SGSM1: variants seen among roughly 807,000 people sequenced by gnomAD.
SGSM1 encodes the protein small G protein signaling modulator 1.
Under a neutral mutation model 133.8 loss-of-function variants are expected in SGSM1, and 73 were observed. The observed-to-expected ratio is 0.55, with a 90% CI of 0.45 to 0.66. SGSM1 has a LOEUF of 0.66. Ranked by LOEUF, SGSM1 falls within the 30% of genes least tolerant of loss-of-function variation. The probability of loss-of-function intolerance (pLI) is 0.00; values close to 1 mark genes in which losing one functional copy is unlikely to be tolerated. For synonymous variants in SGSM1, 563 were observed against 573.0 expected (o/e 0.98, Z 0.25); for missense variants, 1,213 against 1,448.1 (o/e 0.84, Z 2.64).
chr22:24,876,780 A>G (rs1932049471), intron 13 of SGSM1, 65 bp downstream of exon 13: 2 of 1,601,384 alleles, frequency 1.2e-6, no homozygotes, highest in African/African-American at 1.3e-5. Flanking sequence ...GTAGATGCCC[A>G]TGTCTTACCC....
intron 2 of SGSM1, among the ~76,000 whole-genome samples, chr22:24,822,236 G>A (rs558267503): frequency 6.6e-6 from 1 of 151,912 alleles, no homozygotes; most frequent in African/African-American, 2.4e-5. Context: ...GACCACAGGT[G>A]CCCGCCACCA....
chr22:24,831,727 G>A (rs2330930), intron 2 of SGSM1, among the ~76,000 whole-genome samples: 34,364 of 152,114 alleles, frequency 0.23, 3,977 homozygotes, highest in African/African-American at 0.25. Flanking sequence ...GGCCCCCAGC[G>A]GAGACACCTG....
Position 24,873,206 on chromosome 22 carries a change from A to G in SGSM1, c.1292-3371A>G, listed in dbSNP as rs114672797. ...TGGAACTCCTGGGCTCAAGCAATTC[A>G]TCCGCCTCAGGCTCCCAAAGTCCTG... On this transcript the variant is annotated intron_variant, in intron 12 of 24. Coordinates refer to ENST00000400358, the MANE Select transcript of SGSM1 (RefSeq NM_001098497.3). Among the ~76,000 whole-genome samples, 469 of 152,066 alleles carry G rather than the reference A, an allele frequency of 3.1e-3. 4 individuals are homozygous for G. Among genetic ancestry groups the G allele is most frequent in the African/African-American group, 0.011 (457 of 41,464 alleles).
chr22:24,837,565 C>T (rs1243075596), intron 2 of SGSM1, among the ~76,000 whole-genome samples: 13 of 129,552 alleles, frequency 1.0e-4, no homozygotes, highest in African/African-American at 3.3e-4. Context: ...TAAACTCCCC[C>T]GGGGAAAGGG....
At chr22:24,872,663 A>G (rs564326041) in intron 12 of SGSM1, among the ~76,000 whole-genome samples, 1 of 152,338 alleles carries the variant, frequency 6.6e-6, no homozygotes, top group African/African-American at 2.4e-5. Context: ...CCACGCCTGT[A>G]ATCCCAGCAC....
chr22:24,830,187 G>T (rs951238112), intron 2 of SGSM1, among the ~76,000 whole-genome samples: 1 of 152,206 alleles, frequency 6.6e-6, no homozygotes, highest in Admixed American at 6.5e-5. Context: ...CGGGCTGTCA[G>T]CTCGGGAAGA....
intron 2 of SGSM1, among the ~76,000 whole-genome samples, chr22:24,826,255 T>A (rs1485497732): frequency 6.6e-6 from 1 of 152,242 alleles, no homozygotes; most frequent in African/African-American, 2.4e-5. Context: ...ATCCATGTAA[T>A]ATTTGGAGCA....
At chr22:24,895,184 A>G in intron 17 of SGSM1, 39 bp from the exon 18 acceptor site, 1 of 1,572,884 alleles carries the variant, frequency 6.4e-7, no homozygotes, top group Non-Finnish European at 8.6e-7. Flanking sequence ...GCCAGGGTGC[A>G]GCCTCACCCT....
intron 2 of SGSM1, among the ~76,000 whole-genome samples, chr22:24,815,473 T>C (rs1169521268): frequency 6.6e-6 from 1 of 152,218 alleles, no homozygotes; most frequent in East Asian, 1.9e-4. Flanking sequence ...CTGGGTGCAG[T>C]GGCTCACGCC....
chr22:24,880,283 C>T (rs993294212), intron 14 of SGSM1, among the ~76,000 whole-genome samples: 4 of 151,982 alleles, frequency 2.6e-5, no homozygotes, highest in Admixed American at 6.6e-5. Context: ...TACAGGCACC[C>T]GCCACCACAC....
chr22:24,907,911 C>CAAAAAAAA (rs796505229), intron 21 of SGSM1, among the ~76,000 whole-genome samples: 1 of 57,058 alleles, frequency 1.8e-5, no homozygotes, highest in African/African-American at 6.3e-5. Flanking sequence ...GACGCCATCT[C>CAAAAAAAA]AAAAAAAAAA....
At chr22:24,837,992 G>A (rs953324347) in intron 2 of SGSM1, among the ~76,000 whole-genome samples, 7 of 151,960 alleles carry the variant, frequency 4.6e-5, no homozygotes, top group Admixed American at 2.6e-4. Flanking sequence ...CTCTTGCCTC[G>A]GTGCCTGGGT....
rs139694 is a variant in SGSM1 at position 24,857,247 on chromosome 22, C to CAA, written c.801+1581_801+1582dup. Among the ~76,000 whole-genome samples the CAA allele has an allele frequency of 1.1e-3, 119 of 112,020 alleles. 1 individual carries two copies. Among genetic ancestry groups the CAA allele is most frequent in the African/African-American group, 3.3e-3 (110 of 32,998 alleles). The allele number at this position is 112,020 out of a possible 152,430, so 73.5% of individuals were successfully genotyped here. A position where few individuals can be genotyped will look rare whatever the true frequency, so the allele number is the denominator to read the frequency against. On this transcript the variant is annotated intron_variant, in intron 8 of 24. Coordinates refer to ENST00000400358, the MANE Select transcript of SGSM1 (RefSeq NM_001098497.3). ...TGAAACCCTATCTCTACTAAAAATA[C>CAA]AAAAAAAAAAAAAAATAGCCAGGCA...
At chr22:24,869,994 T>C (rs1931687229) in intron 12 of SGSM1, among the ~76,000 whole-genome samples, 1 of 152,226 alleles carries the variant, frequency 6.6e-6, no homozygotes, top group Non-Finnish European at 1.5e-5. Context: ...TCATTTTATT[T>C]AACATGGAGC....
At chr22:24,919,676 T>C in intron 23 of SGSM1, 150 bp from the exon 24 acceptor site, 2 of 737,710 alleles carry the variant, frequency 2.7e-6, no homozygotes, top group Non-Finnish European at 4.4e-6. Context: ...GTCTCCTGCC[T>C]TCTGACCTGA....
intron 19 of SGSM1, among the ~76,000 whole-genome samples, chr22:24,901,625 GA>G (rs1459874656): frequency 6.6e-6 from 1 of 152,076 alleles, no homozygotes; most frequent in African/African-American, 2.4e-5. Context: ...GTAACTCTCT[GA>G]GGGAGAATTT....
chr22:24,907,259 TCAAATAAATAAATAAA>T (rs973356903), intron 21 of SGSM1, among the ~76,000 whole-genome samples: 2 of 119,230 alleles, frequency 1.7e-5, no homozygotes, highest in African/African-American at 6.6e-5. Context: ...AAACTCCATC[TCAAATAAATAAATAAA>T]TAAATAAATA....
chr22:24,892,316 C>T (rs925977151), intron 16 of SGSM1, among the ~76,000 whole-genome samples: 2 of 152,078 alleles, frequency 1.3e-5, no homozygotes, highest in African/African-American at 4.8e-5. Flanking sequence ...TCTCTTTTCC[C>T]ATCCTGGCTC....
chr22:24,868,405 A>G lies in SGSM1; in HGVS notation c.1024A>G (p.Ser342Gly). ...CAGCGGCGGGACAGTGGTATTGGTC[A>G]GCCAGGACGGGATCCAGAGGCCGCC... The part of the protein sequence containing the change: ...VDSGGTVVLV[S>G]QDGIQRPPFR... The change falls in exon 11 of 25, where the codon AGC (serine) becomes GGC (glycine). Residue 342 changes from serine to glycine, a missense_variant. Transcript: ENST00000400358. 6.2e-7 allele frequency: 1 copy of G among 1,613,348 alleles called. No individual in the cohort carries two copies. Among genetic ancestry groups the G allele is most frequent in the Non-Finnish European group, 8.5e-7 (1 of 1,179,570 alleles).
Sources: allele counts gnomAD v4.1 joint callset (sites outside exome capture counted in the v4.1 genomes callset), GRCh38; gene constraint gnomAD v4.1.1; transcripts MANE v1.5; gene names NCBI Gene and HGNC (gene_info 2026-07-23, HGNC 2026-07-21).